Variants in BMP6 observed in about 807,000 individuals in gnomAD.
BMP6 encodes VG-1-R.
In BMP6, 17 loss-of-function variants were observed where a neutral mutation model predicts 54.1. The ratio of observed to expected loss-of-function variants is 0.31; its 90% CI spans 0.22 to 0.47. The LOEUF (loss-of-function observed/expected upper bound fraction) is 0.47. Ranked by LOEUF, BMP6 falls within the 20% of genes least tolerant of loss-of-function variation. The pLI is 1.00. For synonymous variants in BMP6, 328 were observed against 291.2 expected, an observed-to-expected ratio of 1.13 and a Z score of -1.28; for missense variants, 720 against 690.4, an observed-to-expected ratio of 1.04 and a Z score of -0.48.
chr6:7,744,808 G>A (rs1363637545), intron 1 of BMP6, among the ~76,000 whole-genome samples: 1 of 152,130 alleles, frequency 6.6e-6, no homozygotes, highest in Non-Finnish European at 1.5e-5. Context: ...CCCCAGATCT[G>A]TTCTCTGATT....
chr6:7,791,064 G>A (rs1345457127), intron 1 of BMP6, among the ~76,000 whole-genome samples: 7 of 152,028 alleles, frequency 4.6e-5, no homozygotes, highest in Admixed American at 2.0e-4. Context: ...CAAAAGTATG[G>A]TCTACACTCA....
At chr6:7,839,085 G>A (rs1040044663) in intron 1 of BMP6, among the ~76,000 whole-genome samples, 5 of 152,170 alleles carry the variant, frequency 3.3e-5, no homozygotes, top group African/African-American at 1.2e-4. Context: ...AGTGTCATGA[G>A]TGAACACTGG....
At chr6:7,812,868 C>T (rs1236459802) in intron 1 of BMP6, among the ~76,000 whole-genome samples, 1 of 151,112 alleles carries the variant, frequency 6.6e-6, no homozygotes, top group Non-Finnish European at 1.5e-5. Flanking sequence ...TGTGAGGACA[C>T]ACACCAGGAT....
At chr6:7,874,712 CACTCCAGCCTGGGCAATGGAGT>C (rs1386437232) in intron 4 of BMP6, among the ~76,000 whole-genome samples, 2 of 152,114 alleles carry the variant, frequency 1.3e-5, no homozygotes, top group African/African-American at 4.8e-5. Context: ...CACACCACTG[CACTCCAGCCTGGGCAATGGAGT>C]GAGACCCTGT....
intron 1 of BMP6, among the ~76,000 whole-genome samples, chr6:7,818,560 C>T (rs558669797): frequency 1.2e-3 from 177 of 152,328 alleles, no homozygotes; most frequent in African/African-American, 4.1e-3. Context: ...TGGCCTGGCA[C>T]TTTTAGAGGT....
At chr6:7,871,482 T>A (rs1003418361) in intron 4 of BMP6, among the ~76,000 whole-genome samples, 1 of 152,240 alleles carries the variant, frequency 6.6e-6, no homozygotes, top group Non-Finnish European at 1.5e-5. Context: ...TTGGATTTTG[T>A]CATCTGTGTC....
chr6:7,842,723 G>A (rs1758996042), intron 1 of BMP6, among the ~76,000 whole-genome samples: 1 of 152,216 alleles, frequency 6.6e-6, no homozygotes, highest in Non-Finnish European at 1.5e-5. Context: ...ATTGGGAATG[G>A]CATACCTCTC....
At chr6:7,840,778 C>T (rs1426919243) in intron 1 of BMP6, among the ~76,000 whole-genome samples, 1 of 152,162 alleles carries the variant, frequency 6.6e-6, no homozygotes, top group Non-Finnish European at 1.5e-5. Flanking sequence ...ATTTCAAAAA[C>T]TGTCTTGACT....
intron 1 of BMP6, among the ~76,000 whole-genome samples, chr6:7,740,520 TGTCA>T (rs1441894320): frequency 2.0e-5 from 3 of 152,170 alleles, no homozygotes; most frequent in Non-Finnish European, 2.9e-5. Context: ...TGTAGAAAGT[TGTCA>T]GTCAGCTTGC....
intron 1 of BMP6, among the ~76,000 whole-genome samples, chr6:7,815,875 A>G (rs1478830828): frequency 6.6e-6 from 1 of 152,156 alleles, no homozygotes; most frequent in Non-Finnish European, 1.5e-5. Context: ...CATTTATCCA[A>G]AAATAGAGCA....
At chr6:7,875,246 T>C (rs1163186670) in intron 4 of BMP6, among the ~76,000 whole-genome samples, 1 of 152,192 alleles carries the variant, frequency 6.6e-6, no homozygotes, top group Non-Finnish European at 1.5e-5. Context: ...CCTTCCTCTG[T>C]CTTTTTGTTC....
At chr6:7,733,181 C>T (rs566477634) in intron 1 of BMP6, among the ~76,000 whole-genome samples, 6 of 152,344 alleles carry the variant, frequency 3.9e-5, no homozygotes, top group Non-Finnish European at 7.4e-5. Flanking sequence ...GCTGGGATTA[C>T]AGGCTCACGC....
At chr6:7,815,131 A>G (rs911563974) in intron 1 of BMP6, among the ~76,000 whole-genome samples, 1 of 152,188 alleles carries the variant, frequency 6.6e-6, no homozygotes, top group Non-Finnish European at 1.5e-5. Context: ...GATATGCCCA[A>G]GAATTCCTGG....
rs187026597 is a variant in BMP6, at chr6:7,727,645, C to T, written c.664+26C>T. The T allele has an allele frequency of 9.3e-6, 14 of 1,501,584 alleles. No homozygotes were observed. In the African/African-American group the frequency reaches 1.0e-4, roughly 11 times the overall value. 93.0% of individuals were successfully genotyped at this position (1,501,584 alleles called of 1,614,324 possible). On this transcript the variant is annotated intron_variant, in intron 1 of 6. Transcript: ENST00000283147. ...GTAAGGATTTGGGGTAACGTAATGA[C>T]GAGAACATTTCCCCCTTTTCAGTGT...
intron 1 of BMP6, among the ~76,000 whole-genome samples, chr6:7,780,073 ACT>A (rs1757920180): frequency 6.6e-6 from 1 of 152,036 alleles, no homozygotes; most frequent in Admixed American, 6.6e-5. Context: ...TAGCACACAC[ACT>A]CATTTATTTC....
At chr6:7,843,848 T>A (rs1201710265) in intron 1 of BMP6, among the ~76,000 whole-genome samples, 4 of 152,232 alleles carry the variant, frequency 2.6e-5, no homozygotes, top group Non-Finnish European at 5.9e-5. Flanking sequence ...CTCATTTGTC[T>A]TCATGCGGGA....
Position 7,862,645 on chromosome 6 carries a change from C to T in BMP6, c.1204+147C>T, listed in dbSNP as rs1008877344. 7.3e-6 allele frequency: 8 copies of T among 1,090,700 alleles called. No homozygotes were observed. The African/African-American group carries it at 7.8e-5, about 11-fold the overall frequency. The allele number at this position is 1,090,700 out of a possible 1,614,324, so 67.6% of individuals were successfully genotyped here. A position where few individuals can be genotyped will look rare whatever the true frequency, so the allele number is the denominator to read the frequency against. Reference sequence around the variant, plus strand: ...GTCATATGCATGATGGTACCTTGTACAGTCGCAGAACATCTGCGTGGGTTC... The same window carrying T: ...GTCATATGCATGATGGTACCTTGTATAGTCGCAGAACATCTGCGTGGGTTC... On this transcript the variant is annotated intron_variant, in intron 4 of 6. Transcript: ENST00000283147.
At chr6:7,764,514 G>A (rs961730793) in intron 1 of BMP6, among the ~76,000 whole-genome samples, 1 of 152,086 alleles carries the variant, frequency 6.6e-6, no homozygotes, top group African/African-American at 2.4e-5. Flanking sequence ...ATATTGTGTA[G>A]AGAACGTGCT....
intron 1 of BMP6, among the ~76,000 whole-genome samples, chr6:7,761,983 G>A (rs912094156): frequency 6.6e-6 from 1 of 152,010 alleles, no homozygotes; most frequent in Non-Finnish European, 1.5e-5. Context: ...CTGCAGTGGC[G>A]TGATCTCAGC....
Sources: allele counts gnomAD v4.1 joint callset (sites outside exome capture counted in the v4.1 genomes callset), GRCh38; gene constraint gnomAD v4.1.1; transcripts MANE v1.5; gene names NCBI Gene and HGNC (gene_info 2026-07-23, HGNC 2026-07-21).